The following B3GALT5 variants were observed in gnomAD, a reference collection of about 807,000 sequenced individuals.
B3GALT5 encodes UDP-Gal:betaGlcNAc beta 1,3-galactosyltransferase, polypeptide 5.
For missense variants in B3GALT5, 328 were observed against 396.6 expected, an observed-to-expected ratio of 0.83 and a Z score of 1.47; for synonymous variants, 156 against 158.6, an observed-to-expected ratio of 0.98 and a Z score of 0.12.
intron 2 of B3GALT5, 51 bp downstream of exon 2, chr21:39,646,673 A>G (rs1258643157): frequency 2.0e-5 from 3 of 152,198 alleles, no homozygotes; most frequent in African/African-American, 7.2e-5. Context: ...TACAATCCCA[A>G]TAATTAAAGT....
At chr21:39,639,343 T>TTCCTTCC (rs2079259301) in intron 1 of B3GALT5, among the ~76,000 whole-genome samples, 23 of 86,820 alleles carry the variant, frequency 2.6e-4, no homozygotes, top group Middle Eastern at 5.7e-3. Context: ...TCTTTCTTTC[T>TTCCTTCC]TTCTTTCCTT....
At chr21:39,618,706 A>G (rs2079119649) in intron 1 of B3GALT5, among the ~76,000 whole-genome samples, 2 of 152,176 alleles carry the variant, frequency 1.3e-5, no homozygotes, top group South Asian at 4.1e-4. Flanking sequence ...TTAGTAATAT[A>G]CATTGCAAAT....
chr21:39,631,076 A>G (rs926675877), intron 1 of B3GALT5, among the ~76,000 whole-genome samples: 11 of 152,256 alleles, frequency 7.2e-5, no homozygotes, highest in African/African-American at 2.7e-4. Context: ...TAGAAGGCAC[A>G]TTGCAAATAT....
At position 39,662,381 on chromosome 21, in the gene B3GALT5, C is replaced by T. The variant is rs2079536811; in HGVS notation, c.*889C>T. 1 of 167,132 alleles carries T rather than the reference C, an allele frequency of 6.0e-6. No homozygotes were observed. Among genetic ancestry groups the T allele is most frequent in the South Asian group, 2.1e-4 (1 of 4,832 alleles). 10.4% of individuals were successfully genotyped at this position (167,132 alleles called of 1,614,324 possible). A position where few individuals can be genotyped will look rare whatever the true frequency, so the allele number is the denominator to read the frequency against. ...GATCAATGGGGACCAGCCACTGCCCCAGGAGCACTTTAGGGCTCTCAGTTC... is the reference window on the plus strand; with the variant it reads ...GATCAATGGGGACCAGCCACTGCCCTAGGAGCACTTTAGGGCTCTCAGTTC... On this transcript the variant is annotated 3_prime_UTR_variant, in exon 4 of 4. Transcript: ENST00000684187.
At chr21:39,622,025 T>C (rs2079136841) in intron 1 of B3GALT5, among the ~76,000 whole-genome samples, 1 of 152,120 alleles carries the variant, frequency 6.6e-6, no homozygotes, top group Non-Finnish European at 1.5e-5. Context: ...TTTTGACCTA[T>C]AACTTTATTT....
At chr21:39,636,626 T>G (rs1288927318) in intron 1 of B3GALT5, among the ~76,000 whole-genome samples, 1 of 152,048 alleles carries the variant, frequency 6.6e-6, no homozygotes, top group Non-Finnish European at 1.5e-5. Flanking sequence ...GCACACACCT[T>G]ATTGTTGCCC....
At chr21:39,618,298 T>G (rs1461897713) in intron 1 of B3GALT5, among the ~76,000 whole-genome samples, 1 of 152,206 alleles carries the variant, frequency 6.6e-6, no homozygotes, top group East Asian at 1.9e-4. Flanking sequence ...CATGTTAGAG[T>G]GTACTTTAGA....
At chr21:39,638,492 C>G (rs968447983) in intron 1 of B3GALT5, among the ~76,000 whole-genome samples, 2 of 152,178 alleles carry the variant, frequency 1.3e-5, no homozygotes, top group African/African-American at 4.8e-5. Context: ...AGGGGAAAAC[C>G]ATCTCCCTCC....
intron 1 of B3GALT5, among the ~76,000 whole-genome samples, chr21:39,624,038 A>G (rs1011692357): frequency 5.3e-5 from 8 of 152,004 alleles, no homozygotes; most frequent in Non-Finnish European, 1.2e-4. Context: ...TTCAGTCACA[A>G]CCTTCCTTCT....
Position 39,653,792 on chromosome 21 carries a change from C to T in B3GALT5, c.-160-5961C>T, listed in dbSNP as rs535864566. ...AGCCCTGGGATTGGGGGCATTTTCT[C>T]AGTTGCTCAATCTCAGCCCTAGGGG... On this transcript the variant is annotated intron_variant, in intron 2 of 3. Transcript: ENST00000684187. Among the ~76,000 whole-genome samples, 9 of 152,302 alleles carry T rather than the reference C, an allele frequency of 5.9e-5. No individual in the cohort carries two copies. The South Asian group carries it at 1.2e-3, about 21-fold the overall frequency.
At chr21:39,628,313 T>C (rs1326886993) in intron 1 of B3GALT5, among the ~76,000 whole-genome samples, 1 of 152,204 alleles carries the variant, frequency 6.6e-6, no homozygotes, top group South Asian at 2.1e-4. Context: ...CATGCGTAGA[T>C]TGTGTAGTGG....
At chr21:39,615,211 G>A (rs1304019256) in intron 1 of B3GALT5, among the ~76,000 whole-genome samples, 1 of 152,134 alleles carries the variant, frequency 6.6e-6, no homozygotes, top group African/African-American at 2.4e-5. Context: ...TTTTGCCTTG[G>A]CCTGAGGATA....
intron 1 of B3GALT5, among the ~76,000 whole-genome samples, chr21:39,625,808 TTC>T (rs1367926950): frequency 6.6e-6 from 1 of 152,218 alleles, no homozygotes; most frequent in Non-Finnish European, 1.5e-5. Context: ...TAGTCTTGGC[TTC>T]CCTTCAAGCC....
At chr21:39,622,099 T>TA (rs1207313656) in intron 1 of B3GALT5, among the ~76,000 whole-genome samples, 1 of 152,126 alleles carries the variant, frequency 6.6e-6, no homozygotes. Flanking sequence ...TTATTTGGTT[T>TA]AAAATATCTA....
At chr21:39,628,245 A>C (rs1351000837) in intron 1 of B3GALT5, among the ~76,000 whole-genome samples, 12 of 152,204 alleles carry the variant, frequency 7.9e-5, no homozygotes, top group Admixed American at 7.8e-4. Flanking sequence ...TCAACATAAA[A>C]ATGTAATCTC....
At chr21:39,635,877 A>G (rs1476176108) in intron 1 of B3GALT5, among the ~76,000 whole-genome samples, 1 of 152,172 alleles carries the variant, frequency 6.6e-6, no homozygotes, top group African/African-American at 2.4e-5. Flanking sequence ...AGTTCTGTGC[A>G]TGTGCTCTTA....
intron 2 of B3GALT5, among the ~76,000 whole-genome samples, chr21:39,649,602 C>A (rs1602289173): frequency 6.6e-6 from 1 of 152,132 alleles, no homozygotes; most frequent in African/African-American, 2.4e-5. Context: ...GGAGGTGCAG[C>A]CCAGAAACAG....
intron 1 of B3GALT5, among the ~76,000 whole-genome samples, chr21:39,637,519 C>T (rs565375796): frequency 2.6e-5 from 4 of 152,334 alleles, no homozygotes; most frequent in Admixed American, 6.5e-5. Context: ...CTGTTGTATG[C>T]GGAAACAGCT....
At position 39,660,889 on chromosome 21, in the gene B3GALT5, C is replaced by G. The variant is rs138837929; in HGVS notation, c.330C>G (p.Asp110Glu). The G allele has an allele frequency of 2.5e-4, 400 of 1,611,880 alleles. No individual in the cohort carries two copies. In the Middle Eastern group the frequency reaches 3.6e-3, roughly 15 times the overall value. ...GTGCAGCGGAAACGAAAGAGGTGGA[C>G]CAGGAGAGCCAGCGACACGGGGACA... ...TSSAAETKEV[D>E]QESQRHGDII... Residue 110 changes from aspartate to glutamate, a missense_variant, in exon 4 of 4, where the codon GAC becomes GAG. Asp to Glu is a conservative substitution (Grantham distance 45, BLOSUM62 2). Transcript: ENST00000684187.
Sources: allele counts gnomAD v4.1 joint callset (sites outside exome capture counted in the v4.1 genomes callset), GRCh38; gene constraint gnomAD v4.1.1; transcripts MANE v1.5; gene names NCBI Gene and HGNC (gene_info 2026-07-23, HGNC 2026-07-21).